CTNNA2: variants seen among roughly 807,000 people sequenced by gnomAD.
CTNNA2 encodes the protein catenin alpha 2.
Under a neutral mutation model 101.0 loss-of-function variants are expected in CTNNA2, and 42 were observed. The observed-to-expected ratio is 0.42, with a 90% CI of 0.32 to 0.54. The LOEUF is 0.54. Ranked by LOEUF, CTNNA2 falls within the 20% of genes least tolerant of loss-of-function variation. CTNNA2 has a pLI of 0.14. For missense variants in CTNNA2, 871 were observed against 1,223.1 expected (o/e 0.71, Z 4.29); for synonymous variants, 450 against 456.4 (o/e 0.99, Z 0.18).
intron 9 of CTNNA2, among the ~76,000 whole-genome samples, chr2:80,469,091 G>A (rs990462459): frequency 6.6e-6 from 1 of 152,068 alleles, no homozygotes; most frequent in African/African-American, 2.4e-5. Context: ...TGGTGTGACG[G>A]CTTATAGGGG....
intron 12 of CTNNA2, among the ~76,000 whole-genome samples, chr2:80,559,422 C>A (rs1425077165): frequency 1.3e-5 from 2 of 152,152 alleles, no homozygotes; most frequent in Non-Finnish European, 2.9e-5. Context: ...TGGCTGCCCT[C>A]GCTGAGTGGC....
In CTNNA2 at chr2:80,302,885, G is replaced by T; in HGVS notation, c.1057-90326G>T. 1 of 1,614,134 alleles carries T rather than the reference G, an allele frequency of 6.2e-7. No homozygotes were observed. Among genetic ancestry groups the T allele is most frequent in the Non-Finnish European group, 8.5e-7 (1 of 1,180,028 alleles). ...GCGCCCGCAATCCCACAGGTTCCCG[G>T]CCAGGGTGATGCTTGTCAGGGACTT... On this transcript the variant is annotated intron_variant, in intron 7 of 18. Coordinates refer to ENST00000402739, the MANE Select transcript of CTNNA2 (RefSeq NM_001282597.3). The surrounding 1 kb of genome is among the most constrained non-coding windows in gnomAD (Gnocchi z 6.4).
intron 18 of CTNNA2, 113 bp from the exon 19 acceptor site, chr2:80,647,472 A>G (rs1001692440): frequency 1.1e-5 from 10 of 940,860 alleles, no homozygotes; most frequent in East Asian, 2.5e-5. Context: ...CTTTTCAGCA[A>G]TACTATTTAT....
chr2:80,031,018 T>C (rs1695251392), intron 7 of CTNNA2, among the ~76,000 whole-genome samples: 1 of 152,214 alleles, frequency 6.6e-6, no homozygotes. Context: ...TCATTAATTA[T>C]TACAGCTTTC....
At chr2:80,171,828 C>A (rs1705079429) in intron 7 of CTNNA2, among the ~76,000 whole-genome samples, 1 of 152,104 alleles carries the variant, frequency 6.6e-6, no homozygotes, top group Non-Finnish European at 1.5e-5. Flanking sequence ...AGGCCATATG[C>A]CCTGGTAAAA....
At chr2:80,246,073 C>A (rs143188143) in intron 7 of CTNNA2, among the ~76,000 whole-genome samples, 1 of 152,074 alleles carries the variant, frequency 6.6e-6, no homozygotes, top group Non-Finnish European at 1.5e-5. Flanking sequence ...GGATTATAGG[C>A]GAGATCCACC....
intron 7 of CTNNA2, among the ~76,000 whole-genome samples, chr2:80,080,468 A>C (rs1699065357): frequency 1.3e-5 from 2 of 152,210 alleles, no homozygotes; most frequent in Non-Finnish European, 2.9e-5. Flanking sequence ...AAATCAATTC[A>C]CGGTAGATTG....
At chr2:79,886,402 C>G (rs1245306320) in intron 6 of CTNNA2, among the ~76,000 whole-genome samples, 1 of 151,990 alleles carries the variant, frequency 6.6e-6, no homozygotes, top group African/African-American at 2.4e-5. Context: ...GCTATTCAGC[C>G]TTGCAAGTGG....
intron 18 of CTNNA2, among the ~76,000 whole-genome samples, chr2:80,623,529 A>G (rs1405505416): frequency 1.3e-5 from 2 of 151,972 alleles, no homozygotes; most frequent in African/African-American, 4.8e-5. Context: ...GGAGAAAAGT[A>G]AAAGATGTGA....
At chr2:79,362,958 A>T (rs1160255832) in intron 3 of CTNNA2, among the ~76,000 whole-genome samples, 1 of 152,200 alleles carries the variant, frequency 6.6e-6, no homozygotes, top group African/African-American at 2.4e-5. Context: ...ATGTGATGAA[A>T]AAACAGAGTA....
intron 7 of CTNNA2, among the ~76,000 whole-genome samples, chr2:79,926,837 G>C (rs1469906068): frequency 6.6e-6 from 1 of 151,756 alleles, no homozygotes; most frequent in Non-Finnish European, 1.5e-5. Context: ...TATTGTGCAG[G>C]TCTTAAATGT....
At chr2:79,187,929 C>G (rs1301059007) in intron 1 of CTNNA2, among the ~76,000 whole-genome samples, 4 of 152,036 alleles carry the variant, frequency 2.6e-5, no homozygotes, top group African/African-American at 9.7e-5. Flanking sequence ...GTAATAAACA[C>G]ATATGAAAAC....
At chr2:80,465,460 G>A (rs990237116) in intron 9 of CTNNA2, among the ~76,000 whole-genome samples, 3 of 152,158 alleles carry the variant, frequency 2.0e-5, no homozygotes, top group Admixed American at 6.5e-5. Context: ...AATTACTGCA[G>A]ACTGAAAGAA....
At chr2:79,677,644 C>T (rs1683273449) in intron 2 of CTNNA2, among the ~76,000 whole-genome samples, 2 of 152,250 alleles carry the variant, frequency 1.3e-5, no homozygotes, top group South Asian at 2.1e-4. Context: ...ACTGAACTCT[C>T]ATAATAAAAT....
chr2:80,202,089 T>C (rs1707246012), intron 7 of CTNNA2, among the ~76,000 whole-genome samples: 1 of 152,190 alleles, frequency 6.6e-6, no homozygotes, highest in South Asian at 2.1e-4. Context: ...GCCTTGTTTA[T>C]GTTTACTTTT....
chr2:79,194,318 G>A (rs1281463477), intron 1 of CTNNA2, among the ~76,000 whole-genome samples: 1 of 152,230 alleles, frequency 6.6e-6, no homozygotes, highest in East Asian at 1.9e-4. Flanking sequence ...TTGCAAGAAG[G>A]TGCATCTACC....
chr2:79,414,087 C>CAT (rs1018658620), intron 4 of CTNNA2, among the ~76,000 whole-genome samples: 1 of 151,294 alleles, frequency 6.6e-6, no homozygotes, highest in African/African-American at 2.4e-5. Flanking sequence ...ACTAAATTTT[C>CAT]ATATATATAA....
Position 80,605,974 on chromosome 2 carries a change from T to G in CTNNA2, c.2295+1795T>G, listed in dbSNP as rs572658669. Among the ~76,000 whole-genome samples the G allele has an allele frequency of 1.3e-4, 19 of 151,872 alleles. No individual in the cohort carries two copies. The East Asian group carries it at 1.4e-3, about 11-fold the overall frequency. On this transcript the variant is annotated intron_variant, in intron 16 of 18. Coordinates refer to ENST00000402739, the MANE Select transcript of CTNNA2 (RefSeq NM_001282597.3). The stretch of plus-strand genomic sequence containing the variant: ...AACTGAGGGTTTTTTTTGACAGACT[T>G]CCATAAGTATTCCAGAAAGTTCATG...
chr2:79,237,797 T>G (rs976640333), intron 2 of CTNNA2, among the ~76,000 whole-genome samples: 2 of 152,220 alleles, frequency 1.3e-5, no homozygotes, highest in African/African-American at 4.8e-5. Flanking sequence ...TGCAGCTTCC[T>G]TTCCTCTCTC....
Sources: gnomAD v4.1 joint callset for allele counts (sites outside exome capture counted in the v4.1 genomes callset) on GRCh38, gnomAD v4.1.1 for gene constraint, Gnocchi (gnomAD v3.1) non-coding constraint, MANE v1.5 for transcripts, NCBI Gene and HGNC (gene_info 2026-07-23, HGNC 2026-07-21) for gene names.